Variants in RBFOX1 observed in about 807,000 individuals in gnomAD.
RBFOX1 encodes RNA binding protein fox-1 homolog 1.
Under a neutral mutation model 57.7 loss-of-function variants are expected in RBFOX1, and 8 were observed. The ratio of observed to expected loss-of-function variants is 0.14; its 90% CI spans 0.08 to 0.25. The LOEUF (loss-of-function observed/expected upper bound fraction) is 0.25, where lower values mean the gene tolerates loss of function less well. Ranked by LOEUF, RBFOX1 falls within the 10% of genes least tolerant of loss-of-function variation. The pLI is 1.00. For synonymous variants in RBFOX1, 326 were observed against 222.4 expected (o/e 1.47, Z -4.15); for missense variants, 611 against 548.5 (o/e 1.11, Z -1.14).
At chr16:7,065,663 A>C (rs1187792275) in intron 4 of RBFOX1, among the ~76,000 whole-genome samples, 1 of 152,218 alleles carries the variant, frequency 6.6e-6, no homozygotes, top group African/African-American at 2.4e-5. Flanking sequence ...GGGTAAGAAT[A>C]CTTAAAATTT....
chr16:6,792,301 A>T (rs542893509), intron 3 of RBFOX1, among the ~76,000 whole-genome samples: 1 of 152,322 alleles, frequency 6.6e-6, no homozygotes, highest in East Asian at 1.9e-4. Context: ...AAGTTTGGAA[A>T]ACGTTGCTCA....
intron 2 of RBFOX1, among the ~76,000 whole-genome samples, chr16:6,458,699 G>A (rs533626287): frequency 6.6e-6 from 1 of 152,354 alleles, no homozygotes; most frequent in African/African-American, 2.4e-5. Flanking sequence ...AAAGTGGCCA[G>A]TGCTATGCTC....
At chr16:7,119,987 T>C (rs905555200) in intron 4 of RBFOX1, among the ~76,000 whole-genome samples, 2 of 152,004 alleles carry the variant, frequency 1.3e-5, no homozygotes, top group African/African-American at 4.8e-5. Flanking sequence ...ATAATTGAAA[T>C]CATATAGTTG....
rs1283249495 is a variant in RBFOX1 at position 5,716,660 on chromosome 16, A to G, written c.318+117699A>G. Among the ~76,000 whole-genome samples, 4 of 152,370 alleles carry G rather than the reference A, an allele frequency of 2.6e-5. No homozygotes were observed. The East Asian group carries it at 5.8e-4, about 22-fold the overall frequency. Reference sequence around the variant, plus strand: ...TGCAAGACAGTGTGGCAATTCCTCAAAGGCCCAAAGACAGGAATACCACTC... The same window carrying G: ...TGCAAGACAGTGTGGCAATTCCTCAGAGGCCCAAAGACAGGAATACCACTC... On this transcript the variant is annotated intron_variant, in intron 3 of 19. Coordinates refer to the RBFOX1 transcript ENST00000641259.
intron 2 of RBFOX1, among the ~76,000 whole-genome samples, chr16:6,642,316 A>C (rs1286339037): frequency 1.3e-5 from 2 of 152,176 alleles, no homozygotes. Context: ...TTTACATCTA[A>C]TGTGGGTAAT....
At chr16:7,000,770 A>G (rs1166327387) in intron 3 of RBFOX1, among the ~76,000 whole-genome samples, 4 of 151,494 alleles carry the variant, frequency 2.6e-5, no homozygotes, top group Admixed American at 2.0e-4. Context: ...ATGCCTGGCT[A>G]ACTTTCTATA....
At chr16:7,451,915 C>A (rs890545050) in intron 4 of RBFOX1, among the ~76,000 whole-genome samples, 9 of 151,842 alleles carry the variant, frequency 5.9e-5, no homozygotes, top group African/African-American at 2.2e-4. Context: ...GTGCCAGCAA[C>A]GATTTGTACC....
chr16:7,395,540 C>T (rs897072719), intron 4 of RBFOX1, among the ~76,000 whole-genome samples: 1 of 152,146 alleles, frequency 6.6e-6, no homozygotes, highest in Non-Finnish European at 1.5e-5. Flanking sequence ...TACAAAGAAG[C>T]AGAGCTCATT....
chr16:7,402,084 C>G (rs1198705212), intron 4 of RBFOX1, among the ~76,000 whole-genome samples: 1 of 152,026 alleles, frequency 6.6e-6, no homozygotes, highest in Non-Finnish European at 1.5e-5. Context: ...CAGAGTCAGA[C>G]TGTATCCTAA....
intron 4 of RBFOX1, among the ~76,000 whole-genome samples, chr16:7,499,623 A>C (rs1478706435): frequency 6.6e-6 from 1 of 152,238 alleles, no homozygotes; most frequent in Non-Finnish European, 1.5e-5. Context: ...TAGACACGTT[A>C]AAAATCAAAC....
At chr16:6,023,988 A>C (rs899279896) in intron 1 of RBFOX1, among the ~76,000 whole-genome samples, 43 of 152,182 alleles carry the variant, frequency 2.8e-4, no homozygotes, top group African/African-American at 1.0e-3. Context: ...GAACACAGTT[A>C]GACTCGGTCG....
intron 1 of RBFOX1, among the ~76,000 whole-genome samples, chr16:5,362,116 A>C (rs1192737064): frequency 6.6e-6 from 1 of 152,240 alleles, no homozygotes; most frequent in African/African-American, 2.4e-5. Flanking sequence ...AAATGTTTAC[A>C]TGCATAATAC....
chr16:6,885,264 C>G (rs1164450190), intron 3 of RBFOX1, among the ~76,000 whole-genome samples: 1 of 152,160 alleles, frequency 6.6e-6, no homozygotes, highest in Non-Finnish European at 1.5e-5. Flanking sequence ...TCAGCATCAC[C>G]TGGAAACTTG....
At chr16:5,270,312 A>T in intron 1 of RBFOX1, 1 of 698,242 alleles carries the variant, frequency 1.4e-6, no homozygotes, top group Non-Finnish European at 2.6e-6. Context: ...TATTGGAAAG[A>T]CTTGGTCACC....
chr16:7,285,975 T>A (rs74798330), intron 4 of RBFOX1, among the ~76,000 whole-genome samples: 4,665 of 152,298 alleles, frequency 0.031, 134 homozygotes, highest in East Asian at 0.13. Context: ...GATAGACTTT[T>A]AGTTCCATCC....
intron 4 of RBFOX1, among the ~76,000 whole-genome samples, chr16:7,347,607 A>G (rs769789064): frequency 6.6e-6 from 1 of 152,064 alleles, no homozygotes; most frequent in Non-Finnish European, 1.5e-5. Context: ...ATTATCAGTC[A>G]CGCCGAGATT....
intron 6 of RBFOX1, among the ~76,000 whole-genome samples, chr16:7,586,307 A>C (rs549887271): frequency 3.2e-4 from 48 of 152,304 alleles, no homozygotes; most frequent in Admixed American, 5.9e-4. Context: ...AACTGAAAAA[A>C]TTCCAAGGTT....
At chr16:7,290,779 A>T (rs2095754916) in intron 4 of RBFOX1, among the ~76,000 whole-genome samples, 1 of 152,190 alleles carries the variant, frequency 6.6e-6, no homozygotes, top group Non-Finnish European at 1.5e-5. Context: ...AAAATAGACA[A>T]GGAACTCACC....
rs144212162 is a variant in RBFOX1, at chr16:6,114,344, G to T, written c.-127+94352G>T. Among the ~76,000 whole-genome samples the T allele has an allele frequency of 3.4e-3, 515 of 152,266 alleles. 1 individual carries two copies. The highest frequency in any genetic ancestry group is 0.012 in the African/African-American group (502 of 41,544). On this transcript the variant is annotated intron_variant, in intron 1 of 15. Transcript: ENST00000550418. ...TTTTATTTCCATCTTATGCAATTAA[G>T]AATAATATCTCATGCGGCATTAAAT...
Sources: allele counts gnomAD v4.1 joint callset (sites outside exome capture counted in the v4.1 genomes callset), GRCh38; gene constraint gnomAD v4.1.1; transcripts MANE v1.5; gene names NCBI Gene and HGNC (gene_info 2026-07-23, HGNC 2026-07-21).